Variants in TTYH2 observed in about 807,000 individuals in gnomAD.
The protein encoded by TTYH2 is tweety family member 2.
In TTYH2, 49 loss-of-function variants were observed where a neutral mutation model predicts 68.3. The ratio of observed to expected loss-of-function variants is 0.72; its 90% CI spans 0.57 to 0.91. The LOEUF (loss-of-function observed/expected upper bound fraction) is 0.91. Ranked by LOEUF, TTYH2 falls within the 40% of genes least tolerant of loss-of-function variation. TTYH2 has a pLI of 0.00. For missense variants in TTYH2, 631 were observed against 700.4 expected, an observed-to-expected ratio of 0.90 and a Z score of 1.12; for synonymous variants, 272 against 300.8, an observed-to-expected ratio of 0.90 and a Z score of 0.99.
intron 3 of TTYH2, among the ~76,000 whole-genome samples, chr17:74,236,998 G>C (rs1035582568): frequency 2.0e-5 from 3 of 151,302 alleles, no homozygotes; most frequent in Non-Finnish European, 4.4e-5. Context: ...CCGGGTCCAA[G>C]TGATTGTCCT....
chr17:74,222,422 G>T lies in TTYH2; in HGVS notation c.130-63G>T. ...TGGGGCACTCAGGGCCCAAGGGCAG[G>T]GCACTTCCAGAGCCCCGCACTGCAG... On this transcript the variant is annotated intron_variant, in intron 1 of 13. Coordinates refer to ENST00000269346, the MANE Select transcript of TTYH2 (RefSeq NM_032646.6). This position sits in a 1 kb window ranked among gnomAD's most constrained non-coding sequence, Gnocchi z 5.2. 6.6e-7 allele frequency: 1 copy of T among 1,520,448 alleles called. No homozygotes were observed. The highest frequency in any genetic ancestry group is 8.8e-7 in the Non-Finnish European group (1 of 1,134,458). 94.2% of individuals were successfully genotyped at this position (1,520,448 alleles called of 1,614,324 possible). A position where few individuals can be genotyped will look rare whatever the true frequency, so the allele number is the denominator to read the frequency against.
rs540359893 is a variant in TTYH2 at position 74,218,930 on chromosome 17, T to C, written c.130-3555T>C. On this transcript the variant is annotated intron_variant, in intron 1 of 13. Transcript: ENST00000269346. ...TGTCTGGGGCTCCCTTACATTTTTG[T>C]GTTATTAGGAATAACTTGGTTGGGC... is the stretch of plus-strand genomic sequence containing the variant. 3.9e-5 allele frequency among the ~76,000 whole-genome samples: 6 copies of C among 152,308 alleles called. No homozygotes were observed. In the South Asian group the frequency reaches 1.2e-3, roughly 32 times the overall value.
In TTYH2 at chr17:74,230,964, G is replaced by C; in HGVS notation, c.379G>C (p.Asp127His). The C allele has an allele frequency of 3.1e-6, 5 of 1,614,094 alleles. No homozygotes were observed. Among genetic ancestry groups the C allele is most frequent in the Non-Finnish European group, 4.2e-6 (5 of 1,180,008 alleles). The change falls in exon 3 of 14, where the codon GAT (aspartate) becomes CAT (histidine). Residue 127 changes from aspartate to histidine, a missense_variant. By Grantham distance (81) the Asp-to-His change is moderately conservative. Transcript: ENST00000269346. ...GTACCAGCTGATGTACTCCTTGGAC[G>C]ATGCCAACCACACCTTCTCTGGGAT... is the stretch of plus-strand genomic sequence containing the variant. Reference protein sequence around the residue: ...GAYQLMYSLDDANHTFSGIDA... With the variant: ...GAYQLMYSLDHANHTFSGIDA...
rs983250614 is a variant in TTYH2 at position 74,214,170 on chromosome 17, A to G, written c.129+454A>G. On this transcript the variant is annotated intron_variant, in intron 1 of 13. Coordinates refer to ENST00000269346, the MANE Select transcript of TTYH2 (RefSeq NM_032646.6). This position sits in a 1 kb window ranked among gnomAD's most constrained non-coding sequence, Gnocchi z 4.6. ...CTTTCCGGGGCTGAGTGGCCTAGGA[A>G]AGTTTGGCAGAAACTGAGTAGAGTC... 1.3e-5 allele frequency among the ~76,000 whole-genome samples: 2 copies of G among 152,012 alleles called. No homozygotes were observed. The highest frequency in any genetic ancestry group is 4.8e-5 in the African/African-American group (2 of 41,384).
At position 74,261,767 on chromosome 17, in the gene TTYH2, T is replaced by G. The variant is rs1016072735; in HGVS notation, c.*1558T>G. On this transcript the variant is annotated 3_prime_UTR_variant, in exon 14 of 14. Coordinates refer to ENST00000269346, the MANE Select transcript of TTYH2 (RefSeq NM_032646.6). ...GCCACAGGGCAGCCGGGACTCCCTG[T>G]CTCACCTACATTAACCCATGCATAC... is the stretch of plus-strand genomic sequence containing the variant. 2.0e-5 allele frequency: 3 copies of G among 152,246 alleles called. No homozygotes were observed. The highest frequency in any genetic ancestry group is 4.8e-5 in the African/African-American group (2 of 41,434). The allele number at this position is 152,246 out of a possible 1,614,324, so 9.4% of individuals were successfully genotyped here. A position where few individuals can be genotyped will look rare whatever the true frequency, so the allele number is the denominator to read the frequency against.
chr17:74,246,350 C>T (rs2050557476), intron 6 of TTYH2, among the ~76,000 whole-genome samples: 1 of 152,208 alleles, frequency 6.6e-6, no homozygotes, highest in Non-Finnish European at 1.5e-5. Context: ...TTCTGTGCCT[C>T]AGCTTCCTCC....
At chr17:74,228,358 T>C (rs561749356) in intron 2 of TTYH2, among the ~76,000 whole-genome samples, 17 of 152,192 alleles carry the variant, frequency 1.1e-4, no homozygotes, top group Admixed American at 5.2e-4. Flanking sequence ...AGAACAAATA[T>C]AAGTGTGGAC....
intron 12 of TTYH2, 61 bp downstream of exon 12, chr17:74,253,327 T>A: frequency 1.3e-6 from 2 of 1,507,702 alleles, no homozygotes; most frequent in Non-Finnish European, 1.8e-6. Flanking sequence ...TTGGGTGGGG[T>A]CCACAGTGCC....
chr17:74,215,170 CGTGTGTGTGT>C lies in TTYH2; in HGVS notation c.129+1479_129+1488del, dbSNP rs5822029. On this transcript the variant is annotated intron_variant, in intron 1 of 13. Coordinates refer to ENST00000269346, the MANE Select transcript of TTYH2 (RefSeq NM_032646.6). This position sits in a 1 kb window ranked among gnomAD's most constrained non-coding sequence, Gnocchi z 4.3. ...AGGCGGATATGATTTCAGAAACAGC[CGTGTGTGTGT>C]GTGTGTGTGTGTGTGTGTGTGTGTC... 1.4e-5 allele frequency among the ~76,000 whole-genome samples: 2 copies of C among 147,384 alleles called. No individual in the cohort carries two copies. The highest frequency in any genetic ancestry group is 3.0e-5 in the Non-Finnish European group (2 of 66,622).
rs767091377 is a variant in TTYH2, at chr17:74,246,005, T to C, written c.804+1956T>C. On this transcript the variant is annotated intron_variant, in intron 6 of 13. Transcript: ENST00000269346. ...AGGAGGGAGCAGCGGAGCTCCAAGC[T>C]TCCAGGCCCTGGGGCCACCCCTCGT... Among the ~76,000 whole-genome samples, 53 of 152,138 alleles carry C rather than the reference T, an allele frequency of 3.5e-4. No homozygotes were observed. In the Middle Eastern group the frequency reaches 0.01, roughly 29 times the overall value.
rs973984331 is a variant in TTYH2, at chr17:74,241,262, C to CAT, written c.636-2112_636-2111insAT. Among the ~76,000 whole-genome samples the CAT allele has an allele frequency of 3.0e-4, 43 of 144,796 alleles. No homozygotes were observed. The highest frequency in any genetic ancestry group is 8.4e-4 in the Admixed American group (12 of 14,332). 95.0% of individuals were successfully genotyped at this position (144,796 alleles called of 152,430 possible). On this transcript the variant is annotated intron_variant, in intron 4 of 13. Transcript: ENST00000269346. The surrounding 1 kb of genome is among the most constrained non-coding windows in gnomAD (Gnocchi z 4.1). ...ATAGACAGACCCGGTATTTATAATACGTGTGTGTGTGTGTGTGTGTGTGTG... is the reference window on the plus strand; with the variant it reads ...ATAGACAGACCCGGTATTTATAATACATGTGTGTGTGTGTGTGTGTGTGTGTG...
chr17:74,233,160 G>T (rs1303244710), intron 3 of TTYH2, among the ~76,000 whole-genome samples: 1 of 152,140 alleles, frequency 6.6e-6, no homozygotes, highest in African/African-American at 2.4e-5. Context: ...CCTGTGGGTG[G>T]TCACCTCCCC....
At position 74,214,800 on chromosome 17, in the gene TTYH2, G is replaced by T. The variant is rs781734935; in HGVS notation, c.129+1084G>T. On this transcript the variant is annotated intron_variant, in intron 1 of 13. Transcript: ENST00000269346. This position sits in a 1 kb window ranked among gnomAD's most constrained non-coding sequence, Gnocchi z 4.6. ...CTTTGGCCCCCGGCGGCCTCTCCCT[G>T]TGTCAAGTTCTCCAGATATGGGACA... is the stretch of plus-strand genomic sequence containing the variant. 6.6e-6 allele frequency among the ~76,000 whole-genome samples: 1 copy of T among 152,232 alleles called. No homozygotes were observed. Among genetic ancestry groups the T allele is most frequent in the East Asian group, 1.9e-4 (1 of 5,202 alleles).
chr17:74,224,182 G>T (rs976205643), intron 2 of TTYH2, among the ~76,000 whole-genome samples: 6 of 152,180 alleles, frequency 3.9e-5, no homozygotes, highest in African/African-American at 1.4e-4. Flanking sequence ...GGCCAAGGCG[G>T]GTGGATCGCC....
rs1408833273 is a variant in TTYH2 at position 74,241,963 on chromosome 17, C to T, written c.636-1411C>T. 6.6e-6 allele frequency among the ~76,000 whole-genome samples: 1 copy of T among 152,204 alleles called. No individual in the cohort carries two copies. The highest frequency in any genetic ancestry group is 1.5e-5 in the Non-Finnish European group (1 of 68,032). Reference sequence around the variant, plus strand: ...TCTCAGTGTCCGTTGGCTTAAGATACTTTGATTCTTCAGCCTGTTCTCTGG... The same window carrying T: ...TCTCAGTGTCCGTTGGCTTAAGATATTTTGATTCTTCAGCCTGTTCTCTGG... On this transcript the variant is annotated intron_variant, in intron 4 of 13. Coordinates refer to ENST00000269346, the MANE Select transcript of TTYH2 (RefSeq NM_032646.6). The surrounding 1 kb of genome is among the most constrained non-coding windows in gnomAD (Gnocchi z 4.1).
At chr17:74,251,885 T>C (rs920943510) in intron 10 of TTYH2, 2 of 293,744 alleles carry the variant, frequency 6.8e-6, no homozygotes. Flanking sequence ...CCTGTCCCCT[T>C]TGCCCCCTCT....
chr17:74,213,578 G>A lies in TTYH2; in HGVS notation c.-10G>A, dbSNP rs375508967. On this transcript the variant is annotated 5_prime_UTR_variant, in exon 1 of 14. Coordinates refer to ENST00000269346, the MANE Select transcript of TTYH2 (RefSeq NM_032646.6). The surrounding 1 kb of genome is among the most constrained non-coding windows in gnomAD (Gnocchi z 6.1). ...GTCGTTCAGCTTGTGGGTAGCACTCGGGCCGAGCCATGCAGGCGGCGCGCG... is the reference window on the plus strand; with the variant it reads ...GTCGTTCAGCTTGTGGGTAGCACTCAGGCCGAGCCATGCAGGCGGCGCGCG... 1.2e-6 allele frequency: 2 copies of A among 1,608,078 alleles called. No homozygotes were observed. Among genetic ancestry groups the A allele is most frequent in the African/African-American group, 1.3e-5 (1 of 74,724 alleles).
At chr17:74,234,852 ATTC>A (rs1411133843) in intron 3 of TTYH2, among the ~76,000 whole-genome samples, 1 of 152,246 alleles carries the variant, frequency 6.6e-6, no homozygotes, top group African/African-American at 2.4e-5. Context: ...GAATGGCACT[ATTC>A]TTTGATGATA....
chr17:74,249,158 C>T (rs1311753335), intron 7 of TTYH2, 78 bp downstream of exon 7: 1 of 1,599,390 alleles, frequency 6.3e-7, no homozygotes, highest in Non-Finnish European at 8.6e-7. Flanking sequence ...TCTTTCAGCC[C>T]TGTAGCCATC....
Sources: gnomAD v4.1 joint callset for allele counts (sites outside exome capture counted in the v4.1 genomes callset) on GRCh38, gnomAD v4.1.1 for gene constraint, Gnocchi (gnomAD v3.1) non-coding constraint, MANE v1.5 for transcripts, NCBI Gene and HGNC (gene_info 2026-07-23, HGNC 2026-07-21) for gene names.